Variants in CREB5 observed in about 807,000 individuals in gnomAD.
CREB5 encodes the protein cyclic AMP-responsive element-binding protein 5.
A neutral mutation model predicts 57.1 loss-of-function variants in CREB5; 19 were observed. The ratio of observed to expected loss-of-function variants is 0.33; its 90% CI spans 0.23 to 0.49. CREB5 has a LOEUF of 0.49. Among genes scored for constraint, CREB5 ranks in the 20% least tolerant of loss-of-function variants. CREB5 has a pLI of 0.99. For synonymous variants in CREB5, 238 were observed against 238.3 expected, an observed-to-expected ratio of 1.00 and a Z score of 0.01; for missense variants, 579 against 671.6, an observed-to-expected ratio of 0.86 and a Z score of 1.52.
chr7:28,372,571 C>T (rs1460945123), intron 1 of CREB5, among the ~76,000 whole-genome samples: 3 of 152,188 alleles, frequency 2.0e-5, no homozygotes, highest in Non-Finnish European at 4.4e-5. Flanking sequence ...ATTTATGATG[C>T]TTATATTTAA....
intron 5 of CREB5, among the ~76,000 whole-genome samples, chr7:28,653,348 C>T: frequency 6.6e-6 from 1 of 152,190 alleles, no homozygotes; most frequent in South Asian, 2.1e-4. Flanking sequence ...CATTCTGTAA[C>T]TTGTCAGTGT....
At chr7:28,541,133 G>A (rs1442807268) in intron 4 of CREB5, among the ~76,000 whole-genome samples, 1 of 152,108 alleles carries the variant, frequency 6.6e-6, no homozygotes, top group African/African-American at 2.4e-5. Flanking sequence ...TTGATTGCTT[G>A]CAAAAACATG....
intron 1 of CREB5, among the ~76,000 whole-genome samples, chr7:28,418,513 C>T (rs961349875): frequency 6.6e-6 from 1 of 152,182 alleles, no homozygotes; most frequent in Non-Finnish European, 1.5e-5. Flanking sequence ...AGTCATTTCA[C>T]TCTGACCCTC....
At chr7:28,394,167 TA>T (rs1204559995) in intron 1 of CREB5, among the ~76,000 whole-genome samples, 2 of 149,880 alleles carry the variant, frequency 1.3e-5, no homozygotes, top group Non-Finnish European at 3.0e-5. Context: ...CACATTTTTT[TA>T]AAAAAAGAAA....
intron 5 of CREB5, among the ~76,000 whole-genome samples, chr7:28,578,816 A>G (rs1227822518): frequency 1.3e-5 from 2 of 152,260 alleles, no homozygotes; most frequent in Non-Finnish European, 2.9e-5. Context: ...TTCACCAAAT[A>G]AATTTTCTCT....
intron 1 of CREB5, among the ~76,000 whole-genome samples, chr7:28,331,551 C>T (rs1198533134): frequency 6.6e-6 from 1 of 152,128 alleles, no homozygotes; most frequent in Non-Finnish European, 1.5e-5. Context: ...GCATACTCTT[C>T]CCTCTGTCCT....
chr7:28,755,439 G>C (rs1805246853), intron 7 of CREB5, among the ~76,000 whole-genome samples: 4 of 152,180 alleles, frequency 2.6e-5, no homozygotes, highest in African/African-American at 9.7e-5. Flanking sequence ...ATTCCTATGA[G>C]AGAAGGGAGG....
intron 1 of CREB5, among the ~76,000 whole-genome samples, chr7:28,417,829 G>T (rs1788087444): frequency 6.6e-6 from 1 of 152,192 alleles, no homozygotes; most frequent in Admixed American, 6.5e-5. Flanking sequence ...AAATATAACT[G>T]ATAAAGATTA....
intron 5 of CREB5, among the ~76,000 whole-genome samples, chr7:28,706,337 C>T (rs143496037): frequency 0.046 from 6,983 of 151,282 alleles, 210 homozygotes; most frequent in South Asian, 0.063. Flanking sequence ...GCCTGGGCAA[C>T]AAGAGTAAAA....
At chr7:28,392,912 A>G (rs1434152299) in intron 1 of CREB5, among the ~76,000 whole-genome samples, 5 of 148,158 alleles carry the variant, frequency 3.4e-5, no homozygotes, top group African/African-American at 1.3e-4. Context: ...ATCTCTCTCA[A>G]CCCACAAAGC....
Position 28,556,361 on chromosome 7 carries a change from C to T in CREB5, c.292-14004C>T, listed in dbSNP as rs112256670. ...GGTTTTCAGGGCGTGTAACTGGGTT[C>T]AGAGGAGCCACGCTTGCCCGAGCTC... On this transcript the variant is annotated intron_variant, in intron 4 of 10. Coordinates refer to ENST00000357727, the MANE Select transcript of CREB5 (RefSeq NM_182898.4). Among the ~76,000 whole-genome samples, 1,055 of 152,202 alleles carry T rather than the reference C, an allele frequency of 6.9e-3. 10 individuals are homozygous for T. The highest frequency in any genetic ancestry group is 0.023 in the African/African-American group (970 of 41,516).
At chr7:28,562,190 A>G (rs376038015) in intron 4 of CREB5, among the ~76,000 whole-genome samples, 13 of 152,210 alleles carry the variant, frequency 8.5e-5, no homozygotes, top group Admixed American at 2.0e-4. Context: ...ATATGATTAT[A>G]TTTAGCAAAG....
chr7:28,737,854 C>CAT (rs1026975282), intron 7 of CREB5, among the ~76,000 whole-genome samples: 1 of 151,796 alleles, frequency 6.6e-6, no homozygotes, highest in Admixed American at 6.6e-5. Context: ...ACAGCTGTTA[C>CAT]ATTGAATTCA....
chr7:28,446,918 C>T (rs1384356272), intron 1 of CREB5, among the ~76,000 whole-genome samples: 1 of 152,182 alleles, frequency 6.6e-6, no homozygotes, highest in Admixed American at 6.5e-5. Flanking sequence ...TGAAGTACCT[C>T]CTCTACTAAG....
intron 5 of CREB5, among the ~76,000 whole-genome samples, chr7:28,579,079 C>A (rs180830559): frequency 3.3e-5 from 5 of 152,286 alleles, no homozygotes; most frequent in Admixed American, 2.6e-4. Flanking sequence ...TGCATGAGCT[C>A]TAGACTTTGA....
intron 4 of CREB5, among the ~76,000 whole-genome samples, chr7:28,513,094 C>T (rs1232126728): frequency 6.6e-6 from 1 of 152,158 alleles, no homozygotes; most frequent in East Asian, 1.9e-4. Context: ...AATCATGTTA[C>T]CCGATGCCAC....
chr7:28,410,483 C>T (rs1208470248), upstream of CREB5: 9 of 456,604 alleles, frequency 2.0e-5, no homozygotes, highest in Non-Finnish European at 4.0e-5. Context: ...GAGATGTTTT[C>T]TCTCAGCAGC....
At chr7:28,327,799 C>G (rs912558463) in intron 1 of CREB5, among the ~76,000 whole-genome samples, 1 of 152,134 alleles carries the variant, frequency 6.6e-6, no homozygotes, top group African/African-American at 2.4e-5. Context: ...AGAGAAAATG[C>G]TAACACAGAT....
intron 5 of CREB5, among the ~76,000 whole-genome samples, chr7:28,700,038 A>T (rs765531965): frequency 2.0e-5 from 3 of 152,230 alleles, no homozygotes; most frequent in East Asian, 3.8e-4. Flanking sequence ...TGGGACGTAC[A>T]TCAGACAGTC....
Sources: gnomAD v4.1 joint callset for allele counts (sites outside exome capture counted in the v4.1 genomes callset) on GRCh38, gnomAD v4.1.1 for gene constraint, MANE v1.5 for transcripts, NCBI Gene and HGNC (gene_info 2026-07-23, HGNC 2026-07-21) for gene names.